The following MAP4 variants were observed in gnomAD, a reference collection of about 807,000 sequenced individuals.
The protein encoded by MAP4 is microtubule associated protein 4.
MAP4 carries 76 observed loss-of-function variants against 170.2 expected under a neutral mutation model. That is an observed-to-expected ratio of 0.45 (90% CI 0.37 to 0.54). The LOEUF (loss-of-function observed/expected upper bound fraction) is 0.54, where lower values mean the gene tolerates loss of function less well. MAP4 is among the 20% of genes least tolerant of loss of function. MAP4 has a pLI of 0.00. For synonymous variants in MAP4, 909 were observed against 994.5 expected (o/e 0.91, Z 1.62); for missense variants, 2,506 against 2,748.0 (o/e 0.91, Z 1.97).
intron 1 of MAP4, among the ~76,000 whole-genome samples, chr3:48,056,881 C>G (rs2100132218): frequency 7.5e-6 from 1 of 133,058 alleles, no homozygotes; most frequent in African/African-American, 2.9e-5. Context: ...GCCACCCCGT[C>G]CGGGAGGTGA....
At chr3:47,931,328 C>T (rs2100049674) in intron 3 of MAP4, among the ~76,000 whole-genome samples, 1 of 152,108 alleles carries the variant, frequency 6.6e-6, no homozygotes, top group Non-Finnish European at 1.5e-5. Context: ...CTGCAGTCAC[C>T]TGTGATCACA....
intron 4 of MAP4, among the ~76,000 whole-genome samples, chr3:47,927,650 T>C (rs2100046830): frequency 6.6e-6 from 1 of 152,148 alleles, no homozygotes; most frequent in Non-Finnish European, 1.5e-5. Context: ...TAATTTTGTA[T>C]TTTTAGTAGA....
At chr3:47,923,026 G>T (rs918178197) in intron 4 of MAP4, among the ~76,000 whole-genome samples, 2 of 151,976 alleles carry the variant, frequency 1.3e-5, no homozygotes, top group Non-Finnish European at 2.9e-5. Context: ...CTCCAGCCTG[G>T]GTGATAGAGT....
intron 3 of MAP4, among the ~76,000 whole-genome samples, chr3:47,933,149 T>A (rs2100050841): frequency 1.3e-5 from 2 of 152,160 alleles, no homozygotes; most frequent in African/African-American, 4.8e-5. Flanking sequence ...GAATATATAT[T>A]GTATGATTCC....
chr3:47,919,091 C>G (rs565857074), intron 5 of MAP4, among the ~76,000 whole-genome samples: 1 of 151,576 alleles, frequency 6.6e-6, no homozygotes, highest in Admixed American at 6.6e-5. Flanking sequence ...GCCACAGCTC[C>G]CGGCTAATTT....
rs1177680142 is a variant in MAP4, at chr3:47,910,780, T to C, written c.3641A>G (p.Asn1214Ser). 1.3e-6 allele frequency: 2 copies of C among 1,536,144 alleles called. No homozygotes were observed. The highest frequency in any genetic ancestry group is 2.4e-5 in the East Asian group (1 of 40,924). ...WISEKPKKRG[N>S]EGKSKKFKNN... ...TTTAAACTTTTTGCTTTTGCCTTCA[T>C]TGCCTCTCTTTTTAGGCTTTTCAGA... The change falls in exon 9 of 21, where the codon AAT becomes AGT. Residue 1214 changes from asparagine (N) to serine (S), a missense_variant. Physicochemically the swap from Asn to Ser is conservative, Grantham distance 46. Around this residue, in one of 3 missense-constraint regions of MAP4, gnomAD observed 2,008 missense variants for 2,206.0 expected, o/e 0.91. Coordinates refer to ENST00000683076, the MANE Select transcript of MAP4 (RefSeq NM_001385682.1).
At chr3:47,940,012 A>G (rs1210792445) in intron 3 of MAP4, among the ~76,000 whole-genome samples, 1 of 151,876 alleles carries the variant, frequency 6.6e-6, no homozygotes, top group African/African-American at 2.4e-5. Flanking sequence ...TAATTTTTGT[A>G]CTTTTAGTGG....
chr3:47,858,109 G>A (rs1449947064), intron 17 of MAP4, among the ~76,000 whole-genome samples: 1 of 150,996 alleles, frequency 6.6e-6, no homozygotes, highest in African/African-American at 2.4e-5. Flanking sequence ...CATCTCCCGG[G>A]TTCAAGTGAT....
At chr3:48,001,219 T>C (rs1216838637) in intron 1 of MAP4, among the ~76,000 whole-genome samples, 1 of 152,198 alleles carries the variant, frequency 6.6e-6, no homozygotes, top group Non-Finnish European at 1.5e-5. Context: ...TGTTCAGTAC[T>C]GGGAATGCTG....
chr3:47,935,988 A>C (rs980285484), intron 3 of MAP4, among the ~76,000 whole-genome samples: 1 of 151,618 alleles, frequency 6.6e-6, no homozygotes, highest in South Asian at 2.1e-4. Flanking sequence ...AAAATTAAGA[A>C]TTTTATATAA....
At chr3:47,973,187 CT>C in intron 3 of MAP4, 1 of 982,656 alleles carries the variant, frequency 1.0e-6, no homozygotes, top group Non-Finnish European at 1.2e-6. Flanking sequence ...AAAATACAAA[CT>C]TAGGTATACG....
chr3:47,967,721 G>A (rs1340800603), intron 3 of MAP4, among the ~76,000 whole-genome samples: 1 of 152,200 alleles, frequency 6.6e-6, no homozygotes, highest in Non-Finnish European at 1.5e-5. Flanking sequence ...CAGTACTTTG[G>A]GAGGCCGAGG....
chr3:48,019,451 TATC>T (rs1296292607), upstream of MAP4, among the ~76,000 whole-genome samples: 24 of 152,334 alleles, frequency 1.6e-4, no homozygotes, highest in African/African-American at 5.5e-4. Flanking sequence ...TCTCTATAGT[TATC>T]AGCTCATATA....
intron 1 of MAP4, among the ~76,000 whole-genome samples, chr3:48,075,932 G>A (rs537508657): frequency 3.6e-5 from 5 of 140,832 alleles, no homozygotes; most frequent in East Asian, 2.1e-4. Flanking sequence ...CCGAGATCAC[G>A]TCATTGCACT....
rs567838032 is a variant in MAP4 at position 47,916,022 on chromosome 3, C to T, written c.1805G>A (p.Ser602Asn). Reference sequence around the variant, plus strand: ...CAGAGATTCTAAATGGGAATCCTCACTTATTCCTTTTTGTGTTTGTGCAAT... The same window carrying T: ...CAGAGATTCTAAATGGGAATCCTCATTTATTCCTTTTTGTGTTTGTGCAAT... The part of the protein sequence containing the change: ...MEIAQTQKGI[S>N]EDSHLESLQD... The change falls in exon 7 of 21, where the codon AGT (serine) becomes AAT (asparagine). Residue 602 changes from serine (S) to asparagine (N), a missense_variant. Physicochemically the swap from Ser to Asn is conservative, Grantham distance 46. This residue lies in a region of MAP4 where 2,008 missense variants were observed against 2,206.0 expected (regional missense o/e 0.91). Coordinates refer to ENST00000683076, the MANE Select transcript of MAP4 (RefSeq NM_001385682.1). The T allele has an allele frequency of 1.9e-5, 30 of 1,614,222 alleles. No individual in the cohort carries two copies. In the East Asian group the frequency reaches 6.5e-4, roughly 35 times the overall value.
intron 1 of MAP4, among the ~76,000 whole-genome samples, chr3:48,057,551 T>G (rs1403594771): frequency 7.4e-6 from 1 of 135,964 alleles, no homozygotes; most frequent in Admixed American, 7.7e-5. Flanking sequence ...CCCTCCACTA[T>G]TGTCCCATGA....
intron 16 of MAP4, among the ~76,000 whole-genome samples, chr3:47,868,706 G>A (rs1346805877): frequency 6.6e-6 from 1 of 152,200 alleles, no homozygotes; most frequent in Non-Finnish European, 1.5e-5. Context: ...CATTGGGAAT[G>A]AGCATCCTAA....
At chr3:47,868,528 C>T (rs2084720230) in intron 16 of MAP4, among the ~76,000 whole-genome samples, 1 of 152,122 alleles carries the variant, frequency 6.6e-6, no homozygotes, top group Non-Finnish European at 1.5e-5. Context: ...GGAGTGCGGG[C>T]TTCTCTGGCA....
chr3:47,871,180 G>A, intron 14 of MAP4, 47 bp downstream of exon 14: 2 of 1,612,338 alleles, frequency 1.2e-6, no homozygotes, highest in Non-Finnish European at 1.7e-6. Context: ...CACAGAGGAG[G>A]TGGGGGTTCA....
Sources: gnomAD v4.1 joint callset for allele counts (sites outside exome capture counted in the v4.1 genomes callset) on GRCh38, gnomAD v4.1.1 for gene constraint, gnomAD v4.1.1 regional missense constraint, MANE v1.5 for transcripts, NCBI Gene and HGNC (gene_info 2026-07-23, HGNC 2026-07-21) for gene names.